Variants in PIK3CB observed in about 807,000 individuals in gnomAD.
PIK3CB encodes phosphatidylinositol-4,5-bisphosphate 3-kinase catalytic subunit beta, also known as phosphatidylinositol 4,5-bisphosphate 3-kinase catalytic subunit beta isoform.
A neutral mutation model predicts 136.8 loss-of-function variants in PIK3CB; 39 were observed. The ratio of observed to expected loss-of-function variants is 0.29; its 90% CI spans 0.22 to 0.37. The LOEUF (loss-of-function observed/expected upper bound fraction) is 0.37, where lower values mean the gene tolerates loss of function less well. Ranked by LOEUF, PIK3CB falls within the 10% of genes least tolerant of loss-of-function variation. The pLI is 1.00. For missense variants in PIK3CB, 868 were observed against 1,275.4 expected (o/e 0.68, Z 4.87); for synonymous variants, 428 against 436.6 (o/e 0.98, Z 0.25).
At chr3:138,714,337 A>G (rs1255870679) in intron 9 of PIK3CB, 131 bp downstream of exon 9, 2 of 563,398 alleles carry the variant, frequency 3.5e-6, no homozygotes, top group Non-Finnish European at 6.0e-6. Flanking sequence ...GAAATTTCTT[A>G]TCTTCTTAAA....
intron 1 of PIK3CB, among the ~76,000 whole-genome samples, chr3:138,834,299 CAA>C (rs1018727679): frequency 2.0e-5 from 3 of 152,194 alleles, no homozygotes; most frequent in African/African-American, 7.2e-5. Flanking sequence ...CACTTCTGCG[CAA>C]AAAGGCACCT....
In PIK3CB at chr3:138,744,392, C is replaced by CAAAAAAAAAAAAAAAAAAAAA. The variant is rs60503033; in HGVS notation, c.398-1632_398-1612dup. On this transcript the variant is annotated intron_variant, in intron 4 of 23. Transcript: ENST00000674063. ...ACTGGGTGACAGAGCGAGACTCCCC[C>CAAAAAAAAAAAAAAAAAAAAA]AAAAAAAAAAAAAAAAAAAAAAAAA... is the stretch of plus-strand genomic sequence containing the variant. Among the ~76,000 whole-genome samples, 155 of 45,108 alleles carry CAAAAAAAAAAAAAAAAAAAAA rather than the reference C, an allele frequency of 3.4e-3. 73 individuals carry two copies. Among genetic ancestry groups the CAAAAAAAAAAAAAAAAAAAAA allele is most frequent in the East Asian group, 7.3e-3 (15 of 2,060 alleles). The allele number at this position is 45,108 out of a possible 152,430, so 29.6% of individuals were successfully genotyped here.
Position 138,789,936 on chromosome 3 carries a change from G to T in PIK3CB, c.-17+6527C>A, listed in dbSNP as rs904727519. On this transcript the variant is annotated intron_variant, in intron 2 of 23. Transcript: ENST00000674063. Reference sequence around the variant, plus strand: ...GAACTCCTGACCTCGTGATCTGCCCGTCCTGGCCTCCCAAAGTGCTAGGAT... The same window carrying T: ...GAACTCCTGACCTCGTGATCTGCCCTTCCTGGCCTCCCAAAGTGCTAGGAT... 4.6e-5 allele frequency among the ~76,000 whole-genome samples: 7 copies of T among 152,202 alleles called. No homozygotes were observed. In the South Asian group the frequency reaches 1.2e-3, roughly 27 times the overall value.
chr3:138,675,605 A>G (rs896234154), intron 19 of PIK3CB, among the ~76,000 whole-genome samples: 7 of 152,202 alleles, frequency 4.6e-5, no homozygotes, highest in Non-Finnish European at 1.0e-4. Flanking sequence ...TAAGATTAAC[A>G]GCTGATTTCT....
At chr3:138,789,632 T>C (rs1057380640) in intron 2 of PIK3CB, among the ~76,000 whole-genome samples, 1 of 151,270 alleles carries the variant, frequency 6.6e-6, no homozygotes, top group Non-Finnish European at 1.5e-5. Context: ...AGTGTCACCA[T>C]CAACAGATAC....
chr3:138,801,329 T>A (rs1470649381), intron 1 of PIK3CB, among the ~76,000 whole-genome samples: 1 of 152,210 alleles, frequency 6.6e-6, no homozygotes, highest in African/African-American at 2.4e-5. Flanking sequence ...CATTTTATGT[T>A]CATTGTGTGC....
intron 1 of PIK3CB, among the ~76,000 whole-genome samples, chr3:138,803,257 G>C (rs1311858993): frequency 6.6e-6 from 1 of 152,188 alleles, no homozygotes; most frequent in East Asian, 1.9e-4. Context: ...GGCAGGGAGA[G>C]TTCCAGAGAC....
At chr3:138,755,695 T>G (rs972996907) in intron 4 of PIK3CB, 59 bp downstream of exon 4, 1 of 764,156 alleles carries the variant, frequency 1.3e-6, no homozygotes, top group Non-Finnish European at 2.2e-6. Context: ...ATACTTACTA[T>G]ATGTTTATAT....
chr3:138,683,922 A>G, intron 17 of PIK3CB, 135 bp from the exon 18 acceptor site: 1 of 593,364 alleles, frequency 1.7e-6, no homozygotes. Context: ...GACTTAGAAG[A>G]GTCCCACTTG....
intron 1 of PIK3CB, among the ~76,000 whole-genome samples, chr3:138,831,789 G>A (rs953791521): frequency 6.6e-6 from 1 of 152,100 alleles, no homozygotes; most frequent in African/African-American, 2.4e-5. Flanking sequence ...GCGGGGCATG[G>A]TGGTGTGCAC....
chr3:138,821,484 G>A (rs1013302925), intron 1 of PIK3CB, among the ~76,000 whole-genome samples: 1 of 151,512 alleles, frequency 6.6e-6, no homozygotes, highest in Non-Finnish European at 1.5e-5. Context: ...AAGCTCCTCA[G>A]TTAGAAAAAA....
At chr3:138,798,981 T>C (rs934098490) in intron 1 of PIK3CB, among the ~76,000 whole-genome samples, 2 of 151,858 alleles carry the variant, frequency 1.3e-5, no homozygotes, top group Non-Finnish European at 2.9e-5. Context: ...GTAATCCAGT[T>C]ACTTGGGAGG....
intron 1 of PIK3CB, among the ~76,000 whole-genome samples, chr3:138,827,375 C>G (rs1933828034): frequency 6.6e-6 from 1 of 152,112 alleles, no homozygotes; most frequent in South Asian, 2.1e-4. Context: ...TAATAGAAGG[C>G]TGGGTTCAGT....
intron 21 of PIK3CB, among the ~76,000 whole-genome samples, chr3:138,659,915 G>A (rs1264513720): frequency 3.6e-5 from 4 of 110,744 alleles, no homozygotes; most frequent in African/African-American, 6.9e-5. Context: ...TTGCTCTGTC[G>A]CCCAGGCTAG....
At chr3:138,771,809 G>A (rs997542617) in intron 2 of PIK3CB, among the ~76,000 whole-genome samples, 3 of 151,688 alleles carry the variant, frequency 2.0e-5, no homozygotes, top group South Asian at 2.1e-4. Context: ...CCAGCTACTC[G>A]AGAGGCTGAG....
At chr3:138,813,044 T>C (rs567044344) in intron 1 of PIK3CB, among the ~76,000 whole-genome samples, 1 of 152,278 alleles carries the variant, frequency 6.6e-6, no homozygotes, top group South Asian at 2.1e-4. Context: ...CACTGGAGTA[T>C]TATGGGTAAA....
chr3:138,780,413 G>A (rs1246043176), intron 2 of PIK3CB, among the ~76,000 whole-genome samples: 3 of 152,012 alleles, frequency 2.0e-5, no homozygotes, highest in African/African-American at 7.2e-5. Context: ...TGGGATTACA[G>A]GTGTGTACCA....
intron 1 of PIK3CB, among the ~76,000 whole-genome samples, chr3:138,797,481 C>T (rs1351534465): frequency 6.6e-6 from 1 of 152,100 alleles, no homozygotes; most frequent in Non-Finnish European, 1.5e-5. Flanking sequence ...ACATATATTA[C>T]AATTATTTTT....
At chr3:138,686,807 G>A (rs1577072312) in intron 16 of PIK3CB, among the ~76,000 whole-genome samples, 2 of 152,108 alleles carry the variant, frequency 1.3e-5, no homozygotes, top group African/African-American at 4.8e-5. Context: ...TTCCACAGAG[G>A]CTGAGACCTT....
Sources: allele counts gnomAD v4.1 joint callset (sites outside exome capture counted in the v4.1 genomes callset), GRCh38; gene constraint gnomAD v4.1.1; transcripts MANE v1.5; gene names NCBI Gene and HGNC (gene_info 2026-07-23, HGNC 2026-07-21).